Variants in ZNF583 observed in about 807,000 individuals in gnomAD.
The protein encoded by ZNF583 is zinc finger protein L3-5.
In ZNF583, 30 loss-of-function variants were observed where a neutral mutation model predicts 55.3. That is an observed-to-expected ratio of 0.54 (90% confidence interval 0.41 to 0.74). The LOEUF is 0.74. Ranked by LOEUF, ZNF583 falls within the 30% of genes least tolerant of loss-of-function variation. ZNF583 has a pLI of 0.00. For synonymous variants in ZNF583, 208 were observed against 220.0 expected, an observed-to-expected ratio of 0.95 and a Z score of 0.48; for missense variants, 504 against 664.7, an observed-to-expected ratio of 0.76 and a Z score of 2.66.
Position 56,404,903 on chromosome 19 carries a change from AAC to A in ZNF583, c.-90+453_-90+454del, listed in dbSNP as rs1458778879. Among the ~76,000 whole-genome samples, 1 of 151,952 alleles carries A rather than the reference AAC, an allele frequency of 6.6e-6. No homozygotes were observed. The highest frequency in any genetic ancestry group is 1.5e-5 in the Non-Finnish European group (1 of 67,960). On this transcript the variant is annotated intron_variant, in intron 1 of 4. Coordinates refer to ENST00000333201, the MANE Select transcript of ZNF583 (RefSeq NM_152478.3). The surrounding 1 kb of genome is among the most constrained non-coding windows in gnomAD (Gnocchi z 5.2). ...TGTCATTATGTGTAGACCACGTGTG[AAC>A]AGTGTGTAAGACCATGTCACTGTGT... is the stretch of plus-strand genomic sequence containing the variant.
At chr19:56,411,683 G>T (rs1430651825) in intron 2 of ZNF583, among the ~76,000 whole-genome samples, 1 of 152,228 alleles carries the variant, frequency 6.6e-6, no homozygotes, top group Admixed American at 6.5e-5. Context: ...TTAATTTTTA[G>T]ACCTGATTCA....
At position 56,414,283 on chromosome 19, in the gene ZNF583, G is replaced by A. The variant is rs528484849; in HGVS notation, c.137-62G>A. ...CCCATTATTCTCCCACCTTCTTGAT[G>A]ATGCAGAAACTTGATCTTATTTATA... On this transcript the variant is annotated intron_variant, in intron 3 of 4. Coordinates refer to ENST00000333201, the MANE Select transcript of ZNF583 (RefSeq NM_152478.3). 158 of 1,570,566 alleles carry A rather than the reference G, an allele frequency of 1.0e-4. 2 individuals are homozygous for A. The highest frequency in any genetic ancestry group is 4.8e-4 in the South Asian group (43 of 89,884).
chr19:56,409,915 A>G (rs574775179), intron 2 of ZNF583, among the ~76,000 whole-genome samples: 1 of 151,662 alleles, frequency 6.6e-6, no homozygotes, highest in African/African-American at 2.4e-5. Context: ...TTTAGTAATT[A>G]TACATAATTT....
rs1211793442 is a variant in ZNF583 at position 56,427,111 on chromosome 19, C to T, written c.*2743C>T. On this transcript the variant is annotated 3_prime_UTR_variant, in exon 5 of 5. Coordinates refer to ENST00000333201, the MANE Select transcript of ZNF583 (RefSeq NM_152478.3). ...CAAAGGATCCCTAGAGAAGTTCAGG[C>T]TTGGAGTTGGCTTATGTACAGGCTG... 1 of 152,002 alleles carries T rather than the reference C, an allele frequency of 6.6e-6. No individual in the cohort carries two copies. The highest frequency in any genetic ancestry group is 1.5e-5 in the Non-Finnish European group (1 of 68,004). 9.4% of individuals were successfully genotyped at this position (152,002 alleles called of 1,614,324 possible). A position where few individuals can be genotyped will look rare whatever the true frequency, so the allele number is the denominator to read the frequency against.
intron 4 of ZNF583, among the ~76,000 whole-genome samples, chr19:56,422,463 A>G (rs1315058916): frequency 6.6e-6 from 1 of 152,172 alleles, no homozygotes; most frequent in Non-Finnish European, 1.5e-5. Flanking sequence ...AAAGTTTTAC[A>G]TGTATCCTAA....
rs1293680956 is a variant in ZNF583, at chr19:56,425,348, T to A, written c.*980T>A. 6.6e-6 allele frequency: 1 copy of A among 152,314 alleles called. No homozygotes were observed. The highest frequency in any genetic ancestry group is 2.4e-5 in the African/African-American group (1 of 41,426). The allele number at this position is 152,314 out of a possible 1,614,324, so 9.4% of individuals were successfully genotyped here. A position where few individuals can be genotyped will look rare whatever the true frequency, so the allele number is the denominator to read the frequency against. On this transcript the variant is annotated 3_prime_UTR_variant, in exon 5 of 5. Coordinates refer to ENST00000333201, the MANE Select transcript of ZNF583 (RefSeq NM_152478.3). ...CCTCAGCCTCCTGAGTAGCTGGGATTACAGGCCTGCACCACCACGCCCAGC... is the reference window on the plus strand; with the variant it reads ...CCTCAGCCTCCTGAGTAGCTGGGATAACAGGCCTGCACCACCACGCCCAGC...
At chr19:56,408,220 T>C (rs1439582855) in intron 2 of ZNF583, among the ~76,000 whole-genome samples, 1 of 152,126 alleles carries the variant, frequency 6.6e-6, no homozygotes, top group East Asian at 1.9e-4. Context: ...TAAATATATA[T>C]ATATACACAC....
chr19:56,411,213 C>A (rs1297864102), intron 2 of ZNF583, among the ~76,000 whole-genome samples: 1 of 151,942 alleles, frequency 6.6e-6, no homozygotes, highest in East Asian at 1.9e-4. Context: ...ATCATTCAAG[C>A]CTGACAGGTT....
intron 4 of ZNF583, 111 bp downstream of exon 4, chr19:56,414,551 C>G (rs2042288892): frequency 1.1e-6 from 1 of 927,822 alleles, no homozygotes; most frequent in Non-Finnish European, 1.6e-6. Flanking sequence ...CTTAAAGACT[C>G]AAAGCCTGGG....
chr19:56,423,342 T>G lies in ZNF583; in HGVS notation c.684T>G (p.Thr228=). The stretch of plus-strand genomic sequence containing the variant: ...TCTTCAACCAGAGCTCATCCCTTAC[T>G]CTTCATCAGAGAATTCATACTGGAG... The part of the protein sequence containing the change: ...EKVFNQSSSL[T]LHQRIHTGEK... The change falls in exon 5 of 5, where the codon ACT becomes ACG. Residue 228 remains threonine (T), a synonymous_variant. Coordinates refer to ENST00000333201, the MANE Select transcript of ZNF583 (RefSeq NM_152478.3). 6.2e-7 allele frequency: 1 copy of G among 1,613,944 alleles called. No individual in the cohort carries two copies.
intron 1 of ZNF583, among the ~76,000 whole-genome samples, chr19:56,405,408 A>C (rs866325350): frequency 1.3e-5 from 2 of 152,132 alleles, no homozygotes; most frequent in African/African-American, 4.8e-5. Context: ...TGCCAGAATG[A>C]GAAACTATGT....
Position 56,416,102 on chromosome 19 carries a change from T to A in ZNF583, c.232+1662T>A, listed in dbSNP as rs573407623. On this transcript the variant is annotated intron_variant, in intron 4 of 4. Coordinates refer to ENST00000333201, the MANE Select transcript of ZNF583 (RefSeq NM_152478.3). ...CAGCACTTTGGGAGGCCGAGGTGGGTGGATCATGAAGTCAGGAGTTCAAGA... is the reference window on the plus strand; with the variant it reads ...CAGCACTTTGGGAGGCCGAGGTGGGAGGATCATGAAGTCAGGAGTTCAAGA... Among the ~76,000 whole-genome samples the A allele has an allele frequency of 4.2e-3, 632 of 151,546 alleles. 5 individuals carry two copies. The highest frequency in any genetic ancestry group is 0.014 in the African/African-American group (565 of 41,344).
chr19:56,404,799 G>T lies in ZNF583; in HGVS notation c.-90+347G>T, dbSNP rs768472381. ...GGAGCCTTTGACAGTATATGGGACC[G>T]TGTGGGACTGTGTGACACTGTATGT... On this transcript the variant is annotated intron_variant, in intron 1 of 4. Coordinates refer to ENST00000333201, the MANE Select transcript of ZNF583 (RefSeq NM_152478.3). This position sits in a 1 kb window ranked among gnomAD's most constrained non-coding sequence, Gnocchi z 5.2. Among the ~76,000 whole-genome samples, 1 of 152,298 alleles carries T rather than the reference G, an allele frequency of 6.6e-6. No individual in the cohort carries two copies. The highest frequency in any genetic ancestry group is 1.9e-4 in the East Asian group (1 of 5,184).
intron 1 of ZNF583, among the ~76,000 whole-genome samples, chr19:56,406,235 A>G (rs1212798412): frequency 2.0e-5 from 3 of 152,222 alleles, no homozygotes; most frequent in Admixed American, 2.0e-4. Context: ...CTCTGTGTAT[A>G]GAGATGCTTT....
intron 4 of ZNF583, among the ~76,000 whole-genome samples, chr19:56,416,843 T>G (rs530247312): frequency 6.6e-6 from 1 of 152,078 alleles, no homozygotes; most frequent in Non-Finnish European, 1.5e-5. Context: ...GTCACCACAA[T>G]CAAGACACAT....
chr19:56,424,045 C>T lies in ZNF583; in HGVS notation c.1387C>T (p.Pro463Ser). ...QHQRSHTGEK[P>S]YMCKECRKTF... ...TCAGAGAAGTCATACTGGAGAAAAA[C>T]CCTATATGTGTAAGGAATGTAGGAA... The change falls in exon 5 of 5, where the codon CCC becomes TCC. Residue 463 changes from proline to serine, a missense_variant. Transcript: ENST00000333201. 6.2e-7 allele frequency: 1 copy of T among 1,614,010 alleles called. No homozygotes were observed. Among genetic ancestry groups the T allele is most frequent in the Non-Finnish European group, 8.5e-7 (1 of 1,179,994 alleles).
At chr19:56,419,884 A>T (rs1289146331) in intron 4 of ZNF583, among the ~76,000 whole-genome samples, 2 of 152,038 alleles carry the variant, frequency 1.3e-5, no homozygotes, top group Non-Finnish European at 2.9e-5. Context: ...TTGATAACTG[A>T]TGTTTTAAAA....
intron 4 of ZNF583, among the ~76,000 whole-genome samples, chr19:56,416,181 C>A (rs1228815320): frequency 6.6e-6 from 1 of 151,730 alleles, no homozygotes; most frequent in Non-Finnish European, 1.5e-5. Context: ...CAAAAATTAG[C>A]CAGGTGTGGT....
Position 56,419,948 on chromosome 19 carries a change from T to C in ZNF583, c.233-2943T>C, listed in dbSNP as rs139448846. ...TGTTGTTTTTCTATATTGTTAATTT[T>C]CTTTCTTAACTTTTTCTTCTACTTT... is the stretch of plus-strand genomic sequence containing the variant. On this transcript the variant is annotated intron_variant, in intron 4 of 4. Coordinates refer to ENST00000333201, the MANE Select transcript of ZNF583 (RefSeq NM_152478.3). Among the ~76,000 whole-genome samples, 11 of 152,320 alleles carry C rather than the reference T, an allele frequency of 7.2e-5. No homozygotes were observed. The East Asian group carries it at 1.5e-3, about 21-fold the overall frequency.
Sources: allele counts gnomAD v4.1 joint callset (sites outside exome capture counted in the v4.1 genomes callset), GRCh38; gene constraint gnomAD v4.1.1; non-coding constraint Gnocchi (gnomAD v3.1); transcripts MANE v1.5; gene names NCBI Gene and HGNC (gene_info 2026-07-23, HGNC 2026-07-21).